OLFM3: variants seen among roughly 807,000 people sequenced by gnomAD.
OLFM3 encodes olfactomedin 3.
A neutral mutation model predicts 48.6 loss-of-function variants in OLFM3; 20 were observed. That is an observed-to-expected ratio of 0.41 (90% CI 0.29 to 0.60). The LOEUF is 0.60. Among genes scored for constraint, OLFM3 ranks in the 20% least tolerant of loss-of-function variants. The pLI, the probability that OLFM3 is intolerant of heterozygous loss-of-function variation, is 0.28. For missense variants in OLFM3, 437 were observed against 544.3 expected (o/e 0.80, Z 1.96); for synonymous variants, 222 against 198.1 (o/e 1.12, Z -1.01).
intron 3 of OLFM3, among the ~76,000 whole-genome samples, chr1:101,830,066 C>T (rs1294876461): frequency 6.6e-6 from 1 of 152,036 alleles, no homozygotes; most frequent in Non-Finnish European, 1.5e-5. Flanking sequence ...TCTCAATCTC[C>T]TGACCTTGTG....
intron 4 of OLFM3, among the ~76,000 whole-genome samples, chr1:101,813,855 A>G (rs1654197429): frequency 6.6e-6 from 1 of 152,216 alleles, no homozygotes; most frequent in Admixed American, 6.5e-5. Flanking sequence ...AATCTAAGAA[A>G]CATACTTTAA....
chr1:101,953,825 G>A (rs904784805), intron 1 of OLFM3, among the ~76,000 whole-genome samples: 3 of 152,058 alleles, frequency 2.0e-5, no homozygotes, highest in Admixed American at 6.6e-5. Flanking sequence ...TATTTAGCAC[G>A]GGCTGTATTA....
chr1:101,896,045 A>C (rs1658189926), intron 1 of OLFM3, among the ~76,000 whole-genome samples: 1 of 151,486 alleles, frequency 6.6e-6, no homozygotes, highest in South Asian at 2.1e-4. Context: ...TTTATGTAAT[A>C]AAATATACAC....
intron 1 of OLFM3, among the ~76,000 whole-genome samples, chr1:101,980,736 C>T (rs1055422170): frequency 6.6e-6 from 1 of 152,134 alleles, no homozygotes; most frequent in Non-Finnish European, 1.5e-5. Context: ...AGTGATACAT[C>T]CTCCCACTTT....
At chr1:101,900,657 A>G (rs1217582656) in intron 1 of OLFM3, among the ~76,000 whole-genome samples, 1 of 152,076 alleles carries the variant, frequency 6.6e-6, no homozygotes, top group African/African-American at 2.4e-5. Flanking sequence ...AGTAGAAAAA[A>G]AATGGTAGAG....
intron 1 of OLFM3, among the ~76,000 whole-genome samples, chr1:101,860,981 C>T (rs992106155): frequency 9.9e-5 from 15 of 152,048 alleles, no homozygotes; most frequent in East Asian, 1.9e-4. Context: ...ATTTTAGGGA[C>T]GGATCCTACT....
intron 1 of OLFM3, among the ~76,000 whole-genome samples, chr1:101,873,349 TA>T (rs1231791782): frequency 6.6e-6 from 1 of 151,960 alleles, no homozygotes; most frequent in African/African-American, 2.4e-5. Context: ...TATCACAATT[TA>T]TTTTGTATGG....
chr1:101,825,326 G>A, intron 3 of OLFM3, 81 bp from the exon 4 acceptor site: 1 of 1,087,898 alleles, frequency 9.2e-7, no homozygotes, highest in Non-Finnish European at 1.3e-6. Flanking sequence ...GATACTTAAA[G>A]GAAATTATTA....
At chr1:101,825,840 A>G (rs1490362526) in intron 3 of OLFM3, among the ~76,000 whole-genome samples, 1 of 152,202 alleles carries the variant, frequency 6.6e-6, no homozygotes, top group East Asian at 1.9e-4. Context: ...GAACTTTTAA[A>G]TATCAATTTT....
chr1:101,979,675 G>A (rs191202258), intron 1 of OLFM3, among the ~76,000 whole-genome samples: 452 of 152,310 alleles, frequency 3.0e-3, no homozygotes, highest in Admixed American at 4.9e-3. Context: ...GAACCCTCAT[G>A]GAAAACCTCT....
chr1:101,872,951 T>A (rs1657143172), intron 1 of OLFM3, among the ~76,000 whole-genome samples: 1 of 151,980 alleles, frequency 6.6e-6, no homozygotes, highest in Non-Finnish European at 1.5e-5. Flanking sequence ...CAACCTAATT[T>A]TAATTACATG....
intron 1 of OLFM3, among the ~76,000 whole-genome samples, chr1:101,899,401 A>C (rs1280686573): frequency 6.6e-6 from 1 of 152,186 alleles, no homozygotes; most frequent in Admixed American, 6.5e-5. Context: ...GAGGAGGGGC[A>C]AGACTGTAGC....
At chr1:101,813,605 AG>A (rs1378956650) in intron 4 of OLFM3, among the ~76,000 whole-genome samples, 3 of 152,162 alleles carry the variant, frequency 2.0e-5, no homozygotes, top group Non-Finnish European at 4.4e-5. Flanking sequence ...TGGCCAGGGA[AG>A]GTCTTATGAA....
intron 1 of OLFM3, among the ~76,000 whole-genome samples, chr1:101,884,548 A>G (rs1208616325): frequency 6.6e-6 from 1 of 152,040 alleles, no homozygotes; most frequent in Non-Finnish European, 1.5e-5. Flanking sequence ...TTTATTAGTA[A>G]GGAAGAGAGG....
In OLFM3 at chr1:101,861,685, C is replaced by T. The variant is rs554527008; in HGVS notation, c.70-24660G>A. On this transcript the variant is annotated intron_variant, in intron 1 of 5. Transcript: ENST00000370103. Reference sequence around the variant, plus strand: ...TTTGAAGCTTCAACATTCTCTGACTCTATGCATTGTGTTAAGAGCATGGGC... The same window carrying T: ...TTTGAAGCTTCAACATTCTCTGACTTTATGCATTGTGTTAAGAGCATGGGC... 5.3e-5 allele frequency among the ~76,000 whole-genome samples: 8 copies of T among 152,320 alleles called. No individual in the cohort carries two copies. The South Asian group carries it at 8.3e-4, about 16-fold the overall frequency.
chr1:101,960,107 C>T (rs934486903), intron 1 of OLFM3, among the ~76,000 whole-genome samples: 3 of 152,022 alleles, frequency 2.0e-5, no homozygotes, highest in South Asian at 2.1e-4. Flanking sequence ...ATGGAGGAAA[C>T]GGGGCTGGGG....
chr1:101,805,106 A>G (rs1269447842), intron 5 of OLFM3, among the ~76,000 whole-genome samples, 191 bp from the exon 6 acceptor site: 1 of 151,846 alleles, frequency 6.6e-6, no homozygotes, highest in Non-Finnish European at 1.5e-5. Context: ...CCATGTGGAA[A>G]AGAAATAACT....
chr1:101,982,913 T>TACACACAC (rs149648138), intron 1 of OLFM3, among the ~76,000 whole-genome samples: 16,148 of 150,876 alleles, frequency 0.11, 1,289 homozygotes, highest in East Asian at 0.37. Flanking sequence ...TCTTTGTTTT[T>TACACACAC]ACACACACAC....
At chr1:101,902,505 T>C (rs1227772104) in intron 1 of OLFM3, among the ~76,000 whole-genome samples, 1 of 151,732 alleles carries the variant, frequency 6.6e-6, no homozygotes, top group African/African-American at 2.4e-5. Context: ...ACATTAAAGA[T>C]GGAAATGAAA....
Sources: gnomAD v4.1 joint callset for allele counts (sites outside exome capture counted in the v4.1 genomes callset) on GRCh38, gnomAD v4.1.1 for gene constraint, MANE v1.5 for transcripts, NCBI Gene and HGNC (gene_info 2026-07-23, HGNC 2026-07-21) for gene names.